The following PHACTR1 variants were observed in gnomAD, a reference collection of about 807,000 sequenced individuals.
The protein encoded by PHACTR1 is RPEL repeat containing 1.
In PHACTR1, 16 loss-of-function variants were observed where a neutral mutation model predicts 69.2. The observed-to-expected ratio is 0.23, with a 90% CI of 0.16 to 0.35. The LOEUF is 0.35. PHACTR1 is among the 10% of genes least tolerant of loss of function. The pLI is 1.00. For missense variants in PHACTR1, 510 were observed against 734.7 expected, an observed-to-expected ratio of 0.69 and a Z score of 3.54; for synonymous variants, 312 against 284.5, an observed-to-expected ratio of 1.10 and a Z score of -0.97.
intron 4 of PHACTR1, among the ~76,000 whole-genome samples, chr6:12,892,241 G>A (rs1423065414): frequency 1.3e-5 from 2 of 151,550 alleles, no homozygotes; most frequent in Admixed American, 1.3e-4. Context: ...GCCAAAGGAG[G>A]ACATTAAAGA....
chr6:13,252,540 A>G (rs1774618753), intron 10 of PHACTR1, among the ~76,000 whole-genome samples: 1 of 151,986 alleles, frequency 6.6e-6, no homozygotes, highest in Non-Finnish European at 1.5e-5. Context: ...ATTATAATTA[A>G]CCAATTTTCA....
At chr6:12,744,078 G>A (rs1222621611) in intron 3 of PHACTR1, among the ~76,000 whole-genome samples, 1 of 152,158 alleles carries the variant, frequency 6.6e-6, no homozygotes, top group Admixed American at 6.5e-5. Context: ...ACGAAATGAA[G>A]GCAGAAATAA....
intron 4 of PHACTR1, among the ~76,000 whole-genome samples, chr6:12,836,247 T>C (rs1427027634): frequency 1.3e-5 from 2 of 152,184 alleles, no homozygotes; most frequent in East Asian, 3.8e-4. Flanking sequence ...GCTGTCTCCC[T>C]CTTCTCTCTC....
At chr6:12,922,937 C>A (rs571853225) in intron 4 of PHACTR1, among the ~76,000 whole-genome samples, 1 of 152,142 alleles carries the variant, frequency 6.6e-6, no homozygotes, top group Non-Finnish European at 1.5e-5. Context: ...CATCAGACCC[C>A]GGAGTAAATT....
intron 5 of PHACTR1, among the ~76,000 whole-genome samples, chr6:13,079,682 G>A (rs1477403011): frequency 6.6e-6 from 1 of 152,108 alleles, no homozygotes; most frequent in Non-Finnish European, 1.5e-5. Context: ...TAATTATGGG[G>A]TTCCCATGAG....
intron 5 of PHACTR1, among the ~76,000 whole-genome samples, chr6:13,060,467 G>A (rs1157431023): frequency 1.3e-5 from 2 of 152,150 alleles, no homozygotes; most frequent in East Asian, 1.9e-4. Context: ...AATAGGAAAA[G>A]CAAATGTGAA....
At chr6:12,961,752 T>C (rs1225933849) in intron 4 of PHACTR1, among the ~76,000 whole-genome samples, 3 of 152,120 alleles carry the variant, frequency 2.0e-5, no homozygotes, top group Non-Finnish European at 4.4e-5. Context: ...ACAATAGAAA[T>C]TTATTTTCTC....
chr6:13,129,737 T>G (rs1411994435), intron 5 of PHACTR1, among the ~76,000 whole-genome samples: 7 of 152,198 alleles, frequency 4.6e-5, no homozygotes, highest in African/African-American at 1.7e-4. Context: ...CTGACAACAC[T>G]AGACAGGTCA....
intron 4 of PHACTR1, among the ~76,000 whole-genome samples, chr6:12,933,345 G>T (rs1789081555): frequency 6.6e-6 from 1 of 152,086 alleles, no homozygotes; most frequent in Non-Finnish European, 1.5e-5. Flanking sequence ...ACTGCATACA[G>T]AAGAATAATT....
At chr6:12,946,926 C>T (rs573186448) in intron 4 of PHACTR1, among the ~76,000 whole-genome samples, 2 of 150,824 alleles carry the variant, frequency 1.3e-5, no homozygotes, top group African/African-American at 4.9e-5. Flanking sequence ...AATTCTCCTG[C>T]CTCAGCCTCC....
intron 4 of PHACTR1, among the ~76,000 whole-genome samples, chr6:12,915,773 A>G (rs1024852242): frequency 6.6e-6 from 1 of 152,134 alleles, no homozygotes; most frequent in Non-Finnish European, 1.5e-5. Flanking sequence ...TGTCTCTAGA[A>G]TTGAACCCAT....
At chr6:13,265,681 C>A (rs1369233509) in intron 10 of PHACTR1, among the ~76,000 whole-genome samples, 1 of 152,128 alleles carries the variant, frequency 6.6e-6, no homozygotes, top group Non-Finnish European at 1.5e-5. Flanking sequence ...CTCTTGCAAC[C>A]TTCGACTCCA....
intron 4 of PHACTR1, among the ~76,000 whole-genome samples, chr6:12,793,574 T>C (rs1772604301): frequency 6.6e-6 from 1 of 152,224 alleles, no homozygotes; most frequent in African/African-American, 2.4e-5. Flanking sequence ...TACCTAGTGC[T>C]GTAAGCTCTG....
At position 12,803,145 on chromosome 6, in the gene PHACTR1, T is replaced by C. The variant is rs149708662; in HGVS notation, c.250+53355T>C. Among the ~76,000 whole-genome samples, 618 of 152,300 alleles carry C rather than the reference T, an allele frequency of 4.1e-3. 5 individuals are homozygous for C. Among genetic ancestry groups the C allele is most frequent in the African/African-American group, 0.014 (597 of 41,574 alleles). The stretch of plus-strand genomic sequence containing the variant: ...TTATCTGTGCACTGCTCAAGAACTG[T>C]GCACTGCTTCTACTTGGTCCTATTA... On this transcript the variant is annotated intron_variant, in intron 4 of 14. Coordinates refer to ENST00000332995, the MANE Select transcript of PHACTR1 (RefSeq NM_030948.6).
chr6:13,044,199 G>T (rs1008247780), intron 4 of PHACTR1, among the ~76,000 whole-genome samples: 2 of 152,094 alleles, frequency 1.3e-5, no homozygotes, highest in African/African-American at 4.8e-5. Context: ...TGTGTTCATG[G>T]AATAGAAGTA....
chr6:12,887,248 T>A, intron 4 of PHACTR1, among the ~76,000 whole-genome samples: 1 of 152,188 alleles, frequency 6.6e-6, no homozygotes, highest in African/African-American at 2.4e-5. Flanking sequence ...CTCTGCTCCT[T>A]TGAACATGCA....
At chr6:13,218,330 C>T (rs1387883694) in intron 8 of PHACTR1, among the ~76,000 whole-genome samples, 4 of 152,104 alleles carry the variant, frequency 2.6e-5, no homozygotes, top group Non-Finnish European at 5.9e-5. Context: ...CAGCCTGTAC[C>T]GTGGAATGGA....
At chr6:12,881,922 G>A (rs1783137928) in intron 4 of PHACTR1, among the ~76,000 whole-genome samples, 1 of 152,198 alleles carries the variant, frequency 6.6e-6, no homozygotes, top group African/African-American at 2.4e-5. Flanking sequence ...TAAAGGAAGA[G>A]TAAAAATGAA....
At chr6:13,105,704 G>A (rs1399275313) in intron 5 of PHACTR1, among the ~76,000 whole-genome samples, 1 of 152,136 alleles carries the variant, frequency 6.6e-6, no homozygotes, top group Non-Finnish European at 1.5e-5. Context: ...TCTCCAGAAG[G>A]ACTCACAGAA....
Sources: gnomAD v4.1 joint callset for allele counts (sites outside exome capture counted in the v4.1 genomes callset) on GRCh38, gnomAD v4.1.1 for gene constraint, MANE v1.5 for transcripts, NCBI Gene and HGNC (gene_info 2026-07-23, HGNC 2026-07-21) for gene names.